The following ARHGAP11A variants were observed in gnomAD, a reference collection of about 807,000 sequenced individuals.
The protein encoded by ARHGAP11A is rho GTPase-activating protein 11A.
Under a neutral mutation model 60.5 loss-of-function variants are expected in ARHGAP11A, and 36 were observed. The ratio of observed to expected loss-of-function variants is 0.59; its 90% CI spans 0.46 to 0.79. ARHGAP11A has a LOEUF of 0.79. ARHGAP11A is among the 30% of genes least tolerant of loss of function. The probability of loss-of-function intolerance (pLI) is 0.00; values close to 1 mark genes in which losing one functional copy is unlikely to be tolerated. For synonymous variants in ARHGAP11A, 362 were observed against 415.5 expected, an observed-to-expected ratio of 0.87 and a Z score of 1.57; for missense variants, 1,071 against 1,199.2, an observed-to-expected ratio of 0.89 and a Z score of 1.58.
rs1227475488 is a variant in ARHGAP11A, at chr15:32,639,437, G to T, written c.*1592G>T. On this transcript the variant is annotated 3_prime_UTR_variant, in exon 12 of 12. Coordinates refer to ENST00000361627, the MANE Select transcript of ARHGAP11A (RefSeq NM_014783.6). Reference sequence around the variant, plus strand: ...GTAGATGTTTATGGCATTTCTAATTGTAAGTAGAGACAAAATATTCATATA... The same window carrying T: ...GTAGATGTTTATGGCATTTCTAATTTTAAGTAGAGACAAAATATTCATATA... The T allele has an allele frequency of 1.3e-5, 2 of 152,162 alleles. No individual in the cohort carries two copies. The highest frequency in any genetic ancestry group is 1.3e-4 in the Admixed American group (2 of 15,274). The allele number at this position is 152,162 out of a possible 1,614,324, so 9.4% of individuals were successfully genotyped here.
chr15:32,629,498 C>G (rs1595769802), intron 7 of ARHGAP11A, 97 bp from the exon 8 acceptor site: 6 of 925,974 alleles, frequency 6.5e-6, no homozygotes, highest in Admixed American at 2.8e-5. Context: ...TTGTTTAGCT[C>G]TAAGTAATAG....
chr15:32,624,979 A>G (rs1045755219), intron 4 of ARHGAP11A, 101 bp from the exon 5 acceptor site: 34 of 1,323,202 alleles, frequency 2.6e-5, no homozygotes, highest in Non-Finnish European at 3.3e-5. Flanking sequence ...TGACTTGTGT[A>G]TGACTGATAA....
chr15:32,627,066 C>G (rs1487418309), intron 6 of ARHGAP11A, among the ~76,000 whole-genome samples: 1 of 152,140 alleles, frequency 6.6e-6, no homozygotes, highest in Non-Finnish European at 1.5e-5. Context: ...CTTTATTGCC[C>G]TCTTTCCCAG....
At chr15:32,617,930 C>T (rs979908295) in intron 1 of ARHGAP11A, among the ~76,000 whole-genome samples, 57 of 152,072 alleles carry the variant, frequency 3.7e-4, no homozygotes, top group Non-Finnish European at 1.0e-4. Flanking sequence ...CGTATTTCTC[C>T]TTGGATTATT....
chr15:32,635,166 T>C (rs1453623985), intron 10 of ARHGAP11A, among the ~76,000 whole-genome samples: 1 of 152,222 alleles, frequency 6.6e-6, no homozygotes. Flanking sequence ...CCTTGCTCAC[T>C]CTGCTCCAGT....
intron 7 of ARHGAP11A, among the ~76,000 whole-genome samples, chr15:32,629,005 CA>C (rs1257329300): frequency 1.3e-5 from 2 of 152,042 alleles, no homozygotes; most frequent in Non-Finnish European, 2.9e-5. Flanking sequence ...AAATTGTAGG[CA>C]AAAATTTTTT....
intron 1 of ARHGAP11A, among the ~76,000 whole-genome samples, chr15:32,617,704 C>T (rs2053192752): frequency 6.6e-6 from 1 of 152,114 alleles, no homozygotes; most frequent in African/African-American, 2.4e-5. Context: ...GATCTCCTGC[C>T]CTCGTGATCC....
At chr15:32,626,493 ACTAT>A (rs2140457673) in intron 6 of ARHGAP11A, among the ~76,000 whole-genome samples, 1 of 152,168 alleles carries the variant, frequency 6.6e-6, no homozygotes, top group East Asian at 1.9e-4. Flanking sequence ...AATGTTACTA[ACTAT>A]CCCAATCCCT....
At chr15:32,617,566 G>T (rs1241332852) in intron 1 of ARHGAP11A, among the ~76,000 whole-genome samples, 1 of 148,330 alleles carries the variant, frequency 6.7e-6, no homozygotes, top group Non-Finnish European at 1.5e-5. Context: ...CTGCCTCCCG[G>T]GTTCACGCCA....
At chr15:32,626,608 G>T (rs2053463731) in intron 6 of ARHGAP11A, among the ~76,000 whole-genome samples, 2 of 152,080 alleles carry the variant, frequency 1.3e-5, no homozygotes, top group Admixed American at 6.5e-5. Flanking sequence ...TTTTCCTAGG[G>T]CTACTGTAGC....
chr15:32,624,750 G>C (rs2053417827), intron 4 of ARHGAP11A, among the ~76,000 whole-genome samples: 1 of 151,602 alleles, frequency 6.6e-6, no homozygotes, highest in Admixed American at 6.6e-5. Flanking sequence ...CTGTCAGTGA[G>C]CCTGCTTATT....
rs77143444 is a variant in ARHGAP11A, at chr15:32,633,025, T to G, written c.1152T>G (p.Ser384=). 6.5e-3 allele frequency: 10,521 copies of G among 1,614,030 alleles called. 53 individuals are homozygous for G. Among genetic ancestry groups the G allele is most frequent in the Non-Finnish European group, 7.8e-3 (9,255 of 1,179,874 alleles). ...AAGGGTCATCTCAGAGTTCACTCTC[T>G]CCTGTACTCATTGGTGGAAACCATT... ...SSEGSSQSSL[S]PVLIGGNHLI... The change falls in exon 9 of 12, where the codon TCT becomes TCG. Residue 384 remains serine (S), a synonymous_variant. Coordinates refer to ENST00000361627, the MANE Select transcript of ARHGAP11A (RefSeq NM_014783.6).
chr15:32,635,573 A>G (rs1567059408), intron 10 of ARHGAP11A, among the ~76,000 whole-genome samples: 3 of 152,222 alleles, frequency 2.0e-5, no homozygotes, highest in African/African-American at 4.8e-5. Flanking sequence ...AATAGATCAT[A>G]AAATATCAAC....
chr15:32,632,224 C>G (rs943445995), intron 8 of ARHGAP11A, among the ~76,000 whole-genome samples: 1 of 152,152 alleles, frequency 6.6e-6, no homozygotes, highest in African/African-American at 2.4e-5. Flanking sequence ...GGGCGTGATT[C>G]AAACATAAAT....
In ARHGAP11A at chr15:32,624,133, T is replaced by G. The variant is rs767715869; in HGVS notation, c.298-40T>G. On this transcript the variant is annotated intron_variant, in intron 3 of 11. Coordinates refer to ENST00000361627, the MANE Select transcript of ARHGAP11A (RefSeq NM_014783.6). ...AGATACTTTATTTGCAATAAACTCT[T>G]AAGTTGCCAAAATACTCAAGATTAT... The G allele has an allele frequency of 3.1e-6, 5 of 1,608,840 alleles. No homozygotes were observed. The South Asian group carries it at 4.4e-5, about 14-fold the overall frequency.
chr15:32,618,067 A>C (rs181297563), intron 1 of ARHGAP11A, among the ~76,000 whole-genome samples: 1 of 152,222 alleles, frequency 6.6e-6, no homozygotes, highest in Admixed American at 6.5e-5. Context: ...ATGCCATATA[A>C]ATTCAGCTAG....
intron 1 of ARHGAP11A, among the ~76,000 whole-genome samples, chr15:32,617,471 CTTTT>C (rs1168851603): frequency 0.012 from 1,229 of 101,958 alleles, 4 homozygotes; most frequent in Middle Eastern, 0.029. Context: ...TTTTCTTTTC[CTTTT>C]TTTTTTTTTT....
rs758737870 is a variant in ARHGAP11A, at chr15:32,633,922, ACTT to A, written c.1236-5_1236-3del. 7.7e-6 allele frequency: 12 copies of A among 1,555,834 alleles called. No individual in the cohort carries two copies. Among genetic ancestry groups the A allele is most frequent in the Non-Finnish European group, 1.0e-5 (12 of 1,148,614 alleles). On this transcript the variant is annotated splice_region_variant and splice_polypyrimidine_tract_variant and intron_variant, in intron 9 of 11. Coordinates refer to ENST00000361627, the MANE Select transcript of ARHGAP11A (RefSeq NM_014783.6). ...ACTATAAACTGACATTTTTAATTCC[ACTT>A]CTTCTAGAGTGGAATCAGGAAAAGC...
rs561393110 is a variant in ARHGAP11A at position 32,623,084 on chromosome 15, G to T, written c.201-408G>T. ...AATACGAGGACAACACACTGACCAT[G>T]GATTTGGCAAGGCAGAGGCTGTTAG... On this transcript the variant is annotated intron_variant, in intron 2 of 11. Coordinates refer to ENST00000361627, the MANE Select transcript of ARHGAP11A (RefSeq NM_014783.6). Among the ~76,000 whole-genome samples the T allele has an allele frequency of 5.3e-5, 8 of 151,214 alleles. No homozygotes were observed. In the South Asian group the frequency reaches 1.7e-3, roughly 32 times the overall value.
Sources: gnomAD v4.1 joint callset for allele counts (sites outside exome capture counted in the v4.1 genomes callset) on GRCh38, gnomAD v4.1.1 for gene constraint, MANE v1.5 for transcripts, NCBI Gene and HGNC (gene_info 2026-07-23, HGNC 2026-07-21) for gene names.